The following FAM222B variants were observed in gnomAD, a reference collection of about 807,000 sequenced individuals.
FAM222B encodes family with sequence similarity 222 member B, also known as protein FAM222B.
A neutral mutation model predicts 38.0 loss-of-function variants in FAM222B; 12 were observed. The observed-to-expected ratio is 0.32, with a 90% CI of 0.20 to 0.51. The LOEUF (loss-of-function observed/expected upper bound fraction) is 0.51. Among genes scored for constraint, FAM222B ranks in the 20% least tolerant of loss-of-function variants. The pLI is 0.97. For missense variants in FAM222B, 716 were observed against 754.2 expected, an observed-to-expected ratio of 0.95 and a Z score of 0.59; for synonymous variants, 329 against 317.2, an observed-to-expected ratio of 1.04 and a Z score of -0.40.
In FAM222B at chr17:28,790,884, C is replaced by CTT. The variant is rs60664262; in HGVS notation, c.-40-24179_-40-24178dup. 4.1e-4 allele frequency among the ~76,000 whole-genome samples: 35 copies of CTT among 86,070 alleles called. 1 individual carries two copies. Among genetic ancestry groups the CTT allele is most frequent in the South Asian group, 6.9e-4 (2 of 2,904 alleles). 56.5% of individuals were successfully genotyped at this position (86,070 alleles called of 152,430 possible). A position where few individuals can be genotyped will look rare whatever the true frequency, so the allele number is the denominator to read the frequency against. Reference sequence around the variant, plus strand: ...GTTCTATATATTTCAAATTGTTTCACTTTTTTTTTTTTTTTTTTTTTTTTT... The same window carrying CTT: ...GTTCTATATATTTCAAATTGTTTCACTTTTTTTTTTTTTTTTTTTTTTTTTTT... On this transcript the variant is annotated intron_variant, in intron 1 of 2. Transcript: ENST00000581407.
At chr17:28,809,287 G>A (rs1381961631) in intron 1 of FAM222B, among the ~76,000 whole-genome samples, 1 of 151,640 alleles carries the variant, frequency 6.6e-6, no homozygotes, top group East Asian at 1.9e-4. Context: ...GGAAGCAGAG[G>A]CTGCAGTGAG....
chr17:28,760,911 C>T (rs4795457), intron 2 of FAM222B, among the ~76,000 whole-genome samples: 28,834 of 152,144 alleles, frequency 0.19, 2,876 homozygotes, highest in South Asian at 0.31. Flanking sequence ...ACTCTATGCC[C>T]GACTGGATGA....
At chr17:28,851,885 A>C (rs1228915443) in intron 1 of FAM222B, among the ~76,000 whole-genome samples, 5 of 151,232 alleles carry the variant, frequency 3.3e-5, no homozygotes, top group East Asian at 1.9e-4. Flanking sequence ...AAAAAAAAAA[A>C]AAAACCAAAA....
intron 1 of FAM222B, among the ~76,000 whole-genome samples, chr17:28,818,940 C>T (rs887093335): frequency 6.6e-6 from 1 of 152,220 alleles, no homozygotes; most frequent in Non-Finnish European, 1.5e-5. Context: ...CCAATGGCTT[C>T]TCCTGTAGAT....
chr17:28,791,586 A>G (rs1192540476), intron 1 of FAM222B, among the ~76,000 whole-genome samples: 1 of 152,034 alleles, frequency 6.6e-6, no homozygotes, highest in African/African-American at 2.4e-5. Flanking sequence ...AAAACAAAAA[A>G]ACACCTACCC....
chr17:28,801,235 C>T (rs184490258), intron 1 of FAM222B, among the ~76,000 whole-genome samples: 5,158 of 148,120 alleles, frequency 0.035, 117 homozygotes, highest in South Asian at 0.073. Context: ...GGGCGGATCA[C>T]GAGGTCAGGA....
chr17:28,772,560 T>TA (rs34470960), intron 1 of FAM222B, among the ~76,000 whole-genome samples: 52,198 of 111,008 alleles, frequency 0.47, 13,328 homozygotes, highest in East Asian at 0.6. Flanking sequence ...CCATCTCTAC[T>TA]AAAAAAAAAA....
At chr17:28,786,969 A>AT (rs2036444157) in intron 1 of FAM222B, among the ~76,000 whole-genome samples, 1 of 129,752 alleles carries the variant, frequency 7.7e-6, no homozygotes, top group South Asian at 2.3e-4. Flanking sequence ...CAGTGGCGCG[A>AT]TCTCGAGTGC....
At chr17:28,765,653 G>C (rs1259707757) in intron 2 of FAM222B, among the ~76,000 whole-genome samples, 3 of 152,302 alleles carry the variant, frequency 2.0e-5, no homozygotes, top group South Asian at 2.1e-4. Context: ...TTTCCTTGCA[G>C]ATCATGTATT....
At chr17:28,777,816 C>A (rs958360965) in intron 1 of FAM222B, among the ~76,000 whole-genome samples, 1 of 151,346 alleles carries the variant, frequency 6.6e-6, no homozygotes, top group African/African-American at 2.4e-5. Flanking sequence ...GAGACAAGGT[C>A]TCACTTAGGT....
upstream of FAM222B, among the ~76,000 whole-genome samples, chr17:28,847,173 A>G (rs1348041784): frequency 6.6e-6 from 1 of 151,892 alleles, no homozygotes; most frequent in Non-Finnish European, 1.5e-5. Context: ...CAGTGAGCCG[A>G]GATAGTGCCA....
chr17:28,760,014 A>T (rs1270180143), intron 2 of FAM222B, 138 bp from the exon 3 acceptor site: 1 of 835,958 alleles, frequency 1.2e-6, no homozygotes, highest in Non-Finnish European at 1.8e-6. Context: ...TGTAGCCTTC[A>T]TTCGAGACCC....
chr17:28,788,242 T>G (rs2036508636), intron 1 of FAM222B, among the ~76,000 whole-genome samples: 1 of 152,126 alleles, frequency 6.6e-6, no homozygotes, highest in Non-Finnish European at 1.5e-5. Flanking sequence ...CAGAATTGCT[T>G]TTTTGTTTGT....
In FAM222B at chr17:28,758,672, C is replaced by T. The variant is rs372776564; in HGVS notation, c.1287G>A (p.Pro429=). The change falls in exon 3 of 3, where the codon CCG becomes CCA. Residue 429 remains proline (P), a synonymous_variant. Transcript: ENST00000581407. ...SFHLKPPLEK[P]TPSPPVNGMA... ...TGCCGTTGACTGGTGGGGATGGGGT[C>T]GGCTTTTCCAGGGGTGGCTTCAGAT... 3.1e-4 allele frequency: 502 copies of T among 1,605,906 alleles called. No homozygotes were observed. The highest frequency in any genetic ancestry group is 3.6e-4 in the Non-Finnish European group (420 of 1,174,996).
chr17:28,774,400 A>G (rs1158054767), intron 1 of FAM222B, among the ~76,000 whole-genome samples: 2 of 152,146 alleles, frequency 1.3e-5, no homozygotes, highest in East Asian at 3.8e-4. Flanking sequence ...TGTGAGCTTT[A>G]GCTAGTTTTC....
intron 1 of FAM222B, among the ~76,000 whole-genome samples, chr17:28,827,932 T>C (rs2038498414): frequency 6.6e-6 from 1 of 152,114 alleles, no homozygotes; most frequent in African/African-American, 2.4e-5. Flanking sequence ...AGGAGGCTAC[T>C]GTAACTGTCA....
intron 1 of FAM222B, among the ~76,000 whole-genome samples, chr17:28,779,729 C>T (rs921684899): frequency 6.6e-6 from 1 of 150,402 alleles, no homozygotes; most frequent in East Asian, 2.0e-4. Context: ...CTGGCCTGGG[C>T]GACAGAGCGA....
chr17:28,790,438 T>C (rs901583937), intron 1 of FAM222B: 17 of 152,226 alleles, frequency 1.1e-4, no homozygotes, highest in African/African-American at 4.1e-4. Flanking sequence ...GTTGAAGATA[T>C]GTTACCTAAA....
rs763058051 is a variant in FAM222B at position 28,759,209 on chromosome 17, G to C, written c.750C>G (p.Pro250=). 53 of 1,613,570 alleles carry C rather than the reference G, an allele frequency of 3.3e-5. 1 individual carries two copies. The highest frequency in any genetic ancestry group is 2.0e-4 in the African/African-American group (15 of 74,922). The change falls in exon 3 of 3, where the codon CCC becomes CCG. Residue 250 remains proline (P), a synonymous_variant. Transcript: ENST00000581407. This position sits in a 1 kb window ranked among gnomAD's most constrained non-coding sequence, Gnocchi z 4.8. ...GCTGCAGAGTGGCCGCCATTGAAAG[G>C]GGGATAGTTGAGGTAGACACGGTCA... ...PNVTVSTSTI[P]LSMAATLQHS...
Sources: allele counts gnomAD v4.1 joint callset (sites outside exome capture counted in the v4.1 genomes callset), GRCh38; gene constraint gnomAD v4.1.1; non-coding constraint Gnocchi (gnomAD v3.1); transcripts MANE v1.5; gene names NCBI Gene and HGNC (gene_info 2026-07-23, HGNC 2026-07-21).